Variants in EIF4E1B observed in about 807,000 individuals in gnomAD.
EIF4E1B encodes eukaryotic translation initiation factor 4E family member 1B, also known as eukaryotic translation initiation factor 4E type 1B.
Under a neutral mutation model 31.3 loss-of-function variants are expected in EIF4E1B, and 22 were observed. The observed-to-expected ratio is 0.70, with a 90% CI of 0.50 to 1.00. The LOEUF is 1.00. EIF4E1B is among the 50% of genes least tolerant of loss of function. EIF4E1B has a pLI of 0.00. For missense variants in EIF4E1B, 290 were observed against 311.6 expected (o/e 0.93, Z 0.52); for synonymous variants, 126 against 120.2 (o/e 1.05, Z -0.31).
chr5:176,643,989 G>A, intron 5 of EIF4E1B: 1 of 571,000 alleles, frequency 1.8e-6, no homozygotes, highest in Non-Finnish European at 3.1e-6. Flanking sequence ...TGTGACCTGG[G>A]CAAGTTCCTT....
In EIF4E1B at chr5:176,638,868, C is replaced by G. The variant is rs1760535334; in HGVS notation, c.-201-3175C>G. Among the ~76,000 whole-genome samples the G allele has an allele frequency of 6.6e-6, 1 of 152,088 alleles. No homozygotes were observed. Among genetic ancestry groups the G allele is most frequent in the Non-Finnish European group, 1.5e-5 (1 of 68,014 alleles). On this transcript the variant is annotated intron_variant, in intron 1 of 8. Transcript: ENST00000318682. The surrounding 1 kb of genome is among the most constrained non-coding windows in gnomAD (Gnocchi z 4.3). ...CGGCTCACTGCAACCTCTACCTCCC[C>G]AATTCAAGTGATTCTCCTGCCTCAG...
chr5:176,633,090 A>G (rs903092296), intron 1 of EIF4E1B, among the ~76,000 whole-genome samples: 1 of 152,182 alleles, frequency 6.6e-6, no homozygotes, highest in African/African-American at 2.4e-5. Context: ...ATGCCCAGCC[A>G]TGGCATCGGG....
Position 176,644,358 on chromosome 5 carries a change from G to A in EIF4E1B, c.297-18G>A, listed in dbSNP as rs1760653060. 6.3e-6 allele frequency: 10 copies of A among 1,579,678 alleles called. No homozygotes were observed. The highest frequency in any genetic ancestry group is 8.6e-6 in the Non-Finnish European group (10 of 1,162,376). ...AAAAAGCCTTGACTTTTGGCATGGG[G>A]TCGGGGGCTCTGTCCAGGCTATACA... On this transcript the variant is annotated intron_variant, in intron 5 of 8. Transcript: ENST00000318682.
intron 1 of EIF4E1B, among the ~76,000 whole-genome samples, chr5:176,634,287 G>A (rs540364713): frequency 6.6e-6 from 1 of 152,254 alleles, no homozygotes; most frequent in African/African-American, 2.4e-5. Flanking sequence ...TTGAGCCACG[G>A]TGTACTCAGA....
chr5:176,642,870 C>CCCCCGGGGG, intron 3 of EIF4E1B, 68 bp downstream of exon 3: 1 of 1,426,050 alleles, frequency 7.0e-7, no homozygotes, highest in Non-Finnish European at 9.5e-7. Context: ...CCCCCCGCCC[C>CCCCCGGGGG]AGGTGGGCGG....
intron 1 of EIF4E1B, among the ~76,000 whole-genome samples, chr5:176,633,368 A>C (rs1387155501): frequency 2.0e-5 from 3 of 152,124 alleles, no homozygotes; most frequent in South Asian, 2.1e-4. Context: ...TCAGTAGATG[A>C]GACTACAGGT....
At position 176,644,388 on chromosome 5, in the gene EIF4E1B, C is replaced by T; in HGVS notation, c.309C>T (p.His103=). The change falls in exon 6 of 9, where the codon CAC becomes CAT. Residue 103 remains histidine (H), a synonymous_variant. Coordinates refer to ENST00000318682, the MANE Select transcript of EIF4E1B (RefSeq NM_001099408.2). ...TVEDFWALYS[H]IQLASKLSSG... Reference sequence around the variant, plus strand: ...GGGCTCTGTCCAGGCTATACAGTCACATCCAGCTGGCCAGCAAGCTCTCCT... The same window carrying T: ...GGGCTCTGTCCAGGCTATACAGTCATATCCAGCTGGCCAGCAAGCTCTCCT... 1 of 1,591,926 alleles carries T rather than the reference C, an allele frequency of 6.3e-7. No individual in the cohort carries two copies. The highest frequency in any genetic ancestry group is 2.3e-5 in the East Asian group (1 of 43,924).
At chr5:176,642,870 C>CCCCCCCCCCGGGGGGGGGGGGG in intron 3 of EIF4E1B, 68 bp downstream of exon 3, 2 of 1,426,044 alleles carry the variant, frequency 1.4e-6, no homozygotes, top group Non-Finnish European at 1.9e-6. Context: ...CCCCCCGCCC[C>CCCCCCCCCCGGGGGGGGGGGGG]AGGTGGGCGG....
chr5:176,634,494 C>T (rs1012155599), intron 1 of EIF4E1B, among the ~76,000 whole-genome samples: 3 of 151,736 alleles, frequency 2.0e-5, no homozygotes, highest in Admixed American at 1.3e-4. Flanking sequence ...AGACAGATAA[C>T]GTAGATAAAA....
At chr5:176,644,490 C>A in intron 6 of EIF4E1B, 51 bp downstream of exon 6, 1 of 1,545,974 alleles carries the variant, frequency 6.5e-7, no homozygotes. Flanking sequence ...GGGGTTGATC[C>A]CTCCCGGACT....
Position 176,643,707 on chromosome 5 carries a change from A to G in EIF4E1B, c.269A>G (p.Lys90Arg). ...CAGGACAACCTGCACCTGGTCACCA[A>G]GGTGGACACTGTGGAGGACTTCTGG... Reference protein sequence around the residue: ...AWQDNLHLVTKVDTVEDFWAL... With the variant: ...AWQDNLHLVTRVDTVEDFWAL... The change falls in exon 5 of 9, where the codon AAG becomes AGG. Residue 90 changes from lysine to arginine, a missense_variant. Lys to Arg is a conservative substitution (Grantham distance 26). Coordinates refer to ENST00000318682, the MANE Select transcript of EIF4E1B (RefSeq NM_001099408.2). 1 of 1,613,184 alleles carries G rather than the reference A, an allele frequency of 6.2e-7. No homozygotes were observed. The highest frequency in any genetic ancestry group is 8.5e-7 in the Non-Finnish European group (1 of 1,179,592).
intron 1 of EIF4E1B, among the ~76,000 whole-genome samples, chr5:176,633,587 G>A (rs144030801): frequency 3.4e-3 from 525 of 152,200 alleles, no homozygotes; most frequent in African/African-American, 7.9e-3. Context: ...TGGGATTACA[G>A]GTATGAGCTA....
Position 176,630,884 on chromosome 5 carries a change from G to T in EIF4E1B, c.-382G>T, listed in dbSNP as rs1760361354. 2.0e-5 allele frequency: 3 copies of T among 152,446 alleles called. No homozygotes were observed. In the South Asian group the frequency reaches 6.2e-4, roughly 32 times the overall value. The allele number at this position is 152,446 out of a possible 1,614,324, so 9.4% of individuals were successfully genotyped here. A position where few individuals can be genotyped will look rare whatever the true frequency, so the allele number is the denominator to read the frequency against. On this transcript the variant is annotated 5_prime_UTR_variant, in exon 1 of 9. Transcript: ENST00000318682. ...GGTTAATTCAACGAATGTTTACTGA[G>T]CGCTTAGTCCAGTGGTGCAGGTTTA...
chr5:176,635,717 A>C (rs1245401653), intron 1 of EIF4E1B, among the ~76,000 whole-genome samples: 1 of 152,236 alleles, frequency 6.6e-6, no homozygotes, highest in Non-Finnish European at 1.5e-5. Flanking sequence ...TCATGGCCCA[A>C]GATGGCTGCT....
chr5:176,645,944 G>A lies in EIF4E1B; in HGVS notation c.693G>A (p.Lys231=), dbSNP rs1760698398. The A allele has an allele frequency of 1.2e-6, 2 of 1,610,380 alleles. No individual in the cohort carries two copies. The highest frequency in any genetic ancestry group is 1.7e-5 in the Admixed American group (1 of 59,610). ...AGGCCCATGCAGACACAGCCACCAA[G>A]AGCAACTCCCTAGCCAAGAACAAGT... ...GYQAHADTAT[K]SNSLAKNKFV... is the part of the protein sequence containing the mutation. Residue 231 remains lysine (K), a synonymous_variant, in exon 9 of 9, where the codon AAG becomes AAA. Coordinates refer to ENST00000318682, the MANE Select transcript of EIF4E1B (RefSeq NM_001099408.2). This position sits in a 1 kb window ranked among gnomAD's most constrained non-coding sequence, Gnocchi z 5.4.
At chr5:176,633,015 A>G (rs756299051) in intron 1 of EIF4E1B, among the ~76,000 whole-genome samples, 1 of 152,146 alleles carries the variant, frequency 6.6e-6, no homozygotes, top group Non-Finnish European at 1.5e-5. Context: ...CCTGCCAAGG[A>G]CCATTGGCAG....
chr5:176,634,679 T>TC (rs1760466134), intron 1 of EIF4E1B, among the ~76,000 whole-genome samples: 1 of 150,258 alleles, frequency 6.7e-6, no homozygotes, highest in Non-Finnish European at 1.5e-5. Context: ...TTTTCTTTTT[T>TC]TTTTTTTCGA....
intron 1 of EIF4E1B, among the ~76,000 whole-genome samples, chr5:176,637,667 G>A (rs1304810672): frequency 6.6e-6 from 1 of 152,124 alleles, no homozygotes; most frequent in Non-Finnish European, 1.5e-5. Context: ...GAAGTCCTAA[G>A]GCAGGAGGTG....
intron 1 of EIF4E1B, 154 bp from the exon 2 acceptor site, chr5:176,641,867 GCTTCCCTGCCTTCCTTCCCCAT>G (rs540585555): frequency 1.3e-5 from 2 of 152,638 alleles, no homozygotes; most frequent in South Asian, 4.1e-4. Flanking sequence ...GGTGTCCAAA[GCTTCCCTGCCTTCCTTCCCCAT>G]CCCAGTCCCC....
Sources: gnomAD v4.1 joint callset for allele counts (sites outside exome capture counted in the v4.1 genomes callset) on GRCh38, gnomAD v4.1.1 for gene constraint, Gnocchi (gnomAD v3.1) non-coding constraint, MANE v1.5 for transcripts, NCBI Gene and HGNC (gene_info 2026-07-23, HGNC 2026-07-21) for gene names.